The following FRMD6 variants were observed in gnomAD, a reference collection of about 807,000 sequenced individuals.
FRMD6 encodes the protein FERM domain containing 6, also known as FERM domain-containing protein 6.
A neutral mutation model predicts 73.2 loss-of-function variants in FRMD6; 37 were observed. The observed-to-expected ratio is 0.51, with a 90% CI of 0.39 to 0.66. The LOEUF (loss-of-function observed/expected upper bound fraction) is 0.66. Among genes scored for constraint, FRMD6 ranks in the 30% least tolerant of loss-of-function variants. The probability of loss-of-function intolerance (pLI) is 0.00; values close to 1 mark genes in which losing one functional copy is unlikely to be tolerated. For missense variants in FRMD6, 714 were observed against 780.5 expected, an observed-to-expected ratio of 0.91 and a Z score of 1.02; for synonymous variants, 273 against 282.2, an observed-to-expected ratio of 0.97 and a Z score of 0.33.
chr14:51,590,062 C>CAAA (rs529602796), intron 2 of FRMD6, among the ~76,000 whole-genome samples: 32 of 82,564 alleles, frequency 3.9e-4, no homozygotes, highest in Non-Finnish European at 6.1e-4. Context: ...GAGCGAAACT[C>CAAA]AAAAAAAAAA....
At chr14:51,597,403 A>G (rs1312933234) in intron 2 of FRMD6, among the ~76,000 whole-genome samples, 2 of 152,156 alleles carry the variant, frequency 1.3e-5, no homozygotes, top group African/African-American at 4.8e-5. Flanking sequence ...TGAAGGCTAT[A>G]TAGGATTTGG....
At chr14:51,569,618 C>T (rs915577272) in intron 1 of FRMD6, among the ~76,000 whole-genome samples, 7 of 150,678 alleles carry the variant, frequency 4.6e-5, no homozygotes, top group Non-Finnish European at 1.0e-4. Context: ...ATCCTTCCAC[C>T]TCAGCCTTCC....
chr14:51,485,551 T>A (rs535662899), upstream of FRMD6, among the ~76,000 whole-genome samples: 1 of 152,202 alleles, frequency 6.6e-6, no homozygotes, highest in Non-Finnish European at 1.5e-5. Flanking sequence ...CAGTACACCA[T>A]TCCTGTTTGA....
the FRMD6 span, among the ~76,000 whole-genome samples, chr14:51,444,983 T>C: frequency 1.3e-5 from 2 of 152,188 alleles, no homozygotes; most frequent in Admixed American, 6.5e-5. Flanking sequence ...ATAATGATCA[T>C]TGAAATGCCT....
chr14:51,404,257 G>A, the FRMD6 span, among the ~76,000 whole-genome samples: 1 of 151,830 alleles, frequency 6.6e-6, no homozygotes. Flanking sequence ...TTCTGTTTTT[G>A]CTGAATTTAT....
At chr14:51,687,513 C>A (rs1895248521) in intron 1 of FRMD6, among the ~76,000 whole-genome samples, 1 of 151,954 alleles carries the variant, frequency 6.6e-6, no homozygotes. Flanking sequence ...AAATGGTATG[C>A]CTAAGAATAT....
intron 1 of FRMD6, among the ~76,000 whole-genome samples, chr14:51,518,810 C>T (rs908166383): frequency 6.6e-6 from 1 of 152,146 alleles, no homozygotes; most frequent in African/African-American, 2.4e-5. Context: ...GCCACCATAG[C>T]ATTGTTTTAC....
chr14:51,405,245 A>G, the FRMD6 span, among the ~76,000 whole-genome samples: 1 of 152,138 alleles, frequency 6.6e-6, no homozygotes, highest in Middle Eastern at 3.2e-3. Context: ...ACTTGTGCGC[A>G]TGTGTCTTTA....
chr14:51,539,333 A>G (rs1010187763), intron 1 of FRMD6, among the ~76,000 whole-genome samples: 5 of 152,042 alleles, frequency 3.3e-5, no homozygotes, highest in African/African-American at 1.2e-4. Context: ...GTTTCTTCTC[A>G]ACATTTACCT....
At chr14:51,467,616 C>T in the FRMD6 span, among the ~76,000 whole-genome samples, 2 of 150,854 alleles carry the variant, frequency 1.3e-5, no homozygotes, top group Non-Finnish European at 2.9e-5. Context: ...CCAGACTGGG[C>T]GGCCGGTCAG....
chr14:51,424,103 C>G, the FRMD6 span, among the ~76,000 whole-genome samples: 1 of 152,124 alleles, frequency 6.6e-6, no homozygotes, highest in Non-Finnish European at 1.5e-5. Flanking sequence ...GCATAGTGAT[C>G]ATTTTATTAG....
chr14:51,421,282 T>C, the FRMD6 span, among the ~76,000 whole-genome samples: 112 of 152,136 alleles, frequency 7.4e-4, 1 homozygote, highest in South Asian at 0.016. Flanking sequence ...AATCTGAGGA[T>C]TGAGAAGTAG....
At chr14:51,579,628 C>T (rs574184965) in intron 2 of FRMD6, among the ~76,000 whole-genome samples, 2 of 152,314 alleles carry the variant, frequency 1.3e-5, no homozygotes, top group South Asian at 4.2e-4. Flanking sequence ...TGCTTAAGAA[C>T]AATTTGTCAA....
At chr14:51,419,899 C>G in the FRMD6 span, among the ~76,000 whole-genome samples, 1 of 152,092 alleles carries the variant, frequency 6.6e-6, no homozygotes, top group African/African-American at 2.4e-5. Context: ...CATGTGACTT[C>G]CTGCCCTTGT....
chr14:51,639,351 C>T (rs534002730), intron 2 of FRMD6, among the ~76,000 whole-genome samples: 32 of 151,934 alleles, frequency 2.1e-4, no homozygotes, highest in African/African-American at 7.5e-4. Context: ...AGGAGAATGG[C>T]GTGAACCCGG....
At chr14:51,472,563 A>T in the FRMD6 span, among the ~76,000 whole-genome samples, 2 of 152,126 alleles carry the variant, frequency 1.3e-5, no homozygotes, top group African/African-American at 4.8e-5. Context: ...TCAGCCTCCC[A>T]AAGTGCTGGG....
the FRMD6 span, among the ~76,000 whole-genome samples, chr14:51,413,213 G>A: frequency 6.6e-6 from 1 of 152,002 alleles, no homozygotes; most frequent in Non-Finnish European, 1.5e-5. Flanking sequence ...ACAACGTGCA[G>A]GTTTGTTACA....
intron 2 of FRMD6, among the ~76,000 whole-genome samples, chr14:51,620,095 T>C (rs1381826901): frequency 6.6e-6 from 1 of 152,200 alleles, no homozygotes; most frequent in African/African-American, 2.4e-5. Flanking sequence ...ATGTGAGATT[T>C]CTTCCAGGTC....
the FRMD6 span, among the ~76,000 whole-genome samples, chr14:51,447,231 A>T: frequency 6.6e-6 from 1 of 152,058 alleles, no homozygotes; most frequent in Non-Finnish European, 1.5e-5. Flanking sequence ...GGAGATGTGG[A>T]GGGACTTGTA....
Sources: gnomAD v4.1 joint callset for allele counts (sites outside exome capture counted in the v4.1 genomes callset) on GRCh38, gnomAD v4.1.1 for gene constraint, MANE v1.5 for transcripts, NCBI Gene and HGNC (gene_info 2026-07-23, HGNC 2026-07-21) for gene names.